Variants in PTPRJ observed in about 807,000 individuals in gnomAD.
The protein encoded by PTPRJ is protein tyrosine phosphatase receptor type J.
PTPRJ carries 129 observed loss-of-function variants against 141.3 expected under a neutral mutation model. The ratio of observed to expected loss-of-function variants is 0.91; its 90% CI spans 0.79 to 1.06. The LOEUF (loss-of-function observed/expected upper bound fraction) is 1.06. Ranked by LOEUF, PTPRJ falls within the 50% of genes least tolerant of loss-of-function variation. PTPRJ has a pLI of 0.00. For synonymous variants in PTPRJ, 610 were observed against 640.5 expected (o/e 0.95, Z 0.72); for missense variants, 1,601 against 1,679.7 (o/e 0.95, Z 0.82).
At chr11:48,147,772 A>G (rs1404810884) in intron 15 of PTPRJ, among the ~76,000 whole-genome samples, 1 of 152,032 alleles carries the variant, frequency 6.6e-6, no homozygotes, top group Non-Finnish European at 1.5e-5. Flanking sequence ...CATGCGGCCC[A>G]GGCCGGTTCC....
At chr11:48,113,405 G>A (rs958584604) in intron 3 of PTPRJ, among the ~76,000 whole-genome samples, 10 of 152,166 alleles carry the variant, frequency 6.6e-5, no homozygotes, top group African/African-American at 2.4e-4. Flanking sequence ...CTAAATCAGG[G>A]TTGGCAGATA....
At chr11:48,003,119 T>A (rs901182745) in intron 1 of PTPRJ, among the ~76,000 whole-genome samples, 1 of 152,226 alleles carries the variant, frequency 6.6e-6, no homozygotes, top group African/African-American at 2.4e-5. Flanking sequence ...GAGAACTTTT[T>A]ATTTTTTCCA....
At chr11:48,081,293 G>T (rs1161033664) in intron 1 of PTPRJ, among the ~76,000 whole-genome samples, 1 of 152,236 alleles carries the variant, frequency 6.6e-6, no homozygotes, top group South Asian at 2.1e-4. Flanking sequence ...TCAGCCCAGG[G>T]AAAATGAACA....
intron 12 of PTPRJ, among the ~76,000 whole-genome samples, 158 bp from the exon 13 acceptor site, chr11:48,144,517 C>A (rs961284775): frequency 5.3e-5 from 8 of 152,118 alleles, no homozygotes; most frequent in African/African-American, 1.9e-4. Flanking sequence ...GTAGGTGAAA[C>A]CCTTAGAATT....
chr11:48,027,162 G>A (rs536564584), intron 1 of PTPRJ, among the ~76,000 whole-genome samples: 9 of 151,416 alleles, frequency 5.9e-5, no homozygotes, highest in Admixed American at 2.0e-4. Context: ...CTGCCACCGC[G>A]CCCAGCTAAT....
At chr11:47,991,818 A>G (rs1317618110) in intron 1 of PTPRJ, among the ~76,000 whole-genome samples, 1 of 152,168 alleles carries the variant, frequency 6.6e-6, no homozygotes, top group African/African-American at 2.4e-5. Flanking sequence ...GATGGGGATA[A>G]CAAGAATACC....
intron 1 of PTPRJ, among the ~76,000 whole-genome samples, chr11:48,069,445 ATTTTTTT>A (rs35405916): frequency 4.1e-5 from 5 of 121,322 alleles, no homozygotes; most frequent in Admixed American, 1.8e-4. Context: ...TACATTGATA[ATTTTTTT>A]TTTTTTTTTT....
chr11:48,038,327 A>G (rs146327171), intron 1 of PTPRJ, among the ~76,000 whole-genome samples: 213 of 152,054 alleles, frequency 1.4e-3, no homozygotes, highest in Middle Eastern at 6.8e-3. Context: ...CCCCTTGGCA[A>G]TTTCTATGCT....
chr11:48,132,377 T>C, intron 8 of PTPRJ: 1 of 977,558 alleles, frequency 1.0e-6, no homozygotes, highest in South Asian at 4.7e-5. Context: ...AAAAAAATTT[T>C]TTTTTATAGA....
At chr11:47,982,294 C>T (rs1258231737) in intron 1 of PTPRJ, among the ~76,000 whole-genome samples, 2 of 152,234 alleles carry the variant, frequency 1.3e-5, no homozygotes, top group Admixed American at 6.5e-5. Context: ...GGCCGGGCCA[C>T]AGGGCTGGAC....
At chr11:48,047,179 G>A (rs1005584534) in intron 1 of PTPRJ, among the ~76,000 whole-genome samples, 1 of 152,048 alleles carries the variant, frequency 6.6e-6, no homozygotes, top group Non-Finnish European at 1.5e-5. Flanking sequence ...GCCTCCCAAA[G>A]CACTGGGATT....
intron 1 of PTPRJ, among the ~76,000 whole-genome samples, chr11:47,985,596 C>T (rs1164918730): frequency 6.6e-6 from 1 of 152,162 alleles, no homozygotes; most frequent in Non-Finnish European, 1.5e-5. Context: ...TCTCCACTGC[C>T]CCAATTTACC....
At chr11:48,163,351 C>T (rs1046039217) in intron 22 of PTPRJ, 107 bp from the exon 23 acceptor site, 18 of 1,038,456 alleles carry the variant, frequency 1.7e-5, no homozygotes, top group Non-Finnish European at 2.4e-5. Flanking sequence ...AATTTTTAGT[C>T]ATTACAACTC....
At chr11:48,036,845 C>T (rs551321991) in intron 1 of PTPRJ, among the ~76,000 whole-genome samples, 3 of 152,316 alleles carry the variant, frequency 2.0e-5, no homozygotes, top group South Asian at 2.1e-4. Context: ...TGCTCCACAC[C>T]GGTGAGCTGC....
intron 1 of PTPRJ, among the ~76,000 whole-genome samples, chr11:48,062,806 AG>A (rs1367206790): frequency 1.3e-5 from 2 of 152,176 alleles, no homozygotes; most frequent in Non-Finnish European, 2.9e-5. Flanking sequence ...GTGCATACTT[AG>A]GTAGAGCTAT....
At chr11:48,029,265 A>T (rs970900590) in intron 1 of PTPRJ, among the ~76,000 whole-genome samples, 10 of 152,308 alleles carry the variant, frequency 6.6e-5, no homozygotes, top group South Asian at 2.1e-4. Flanking sequence ...GTCATTGCAT[A>T]TTGGTTCAAT....
At chr11:48,029,073 G>C (rs945345454) in intron 1 of PTPRJ, among the ~76,000 whole-genome samples, 1 of 152,194 alleles carries the variant, frequency 6.6e-6, no homozygotes, top group Non-Finnish European at 1.5e-5. Context: ...ATTGGCCCTA[G>C]GCCTGCAGTG....
chr11:48,156,541 G>T (rs192952006), intron 21 of PTPRJ, among the ~76,000 whole-genome samples: 1 of 148,102 alleles, frequency 6.8e-6, no homozygotes, highest in African/African-American at 2.5e-5. Flanking sequence ...TCAAATTTAG[G>T]TTGAGCACTG....
intron 1 of PTPRJ, among the ~76,000 whole-genome samples, chr11:48,080,246 T>TTA (rs1855522498): frequency 6.6e-6 from 1 of 152,256 alleles, no homozygotes; most frequent in Non-Finnish European, 1.5e-5. Flanking sequence ...AGGTCTTTTA[T>TTA]TATTACTATG....
Sources: gnomAD v4.1 joint callset for allele counts (sites outside exome capture counted in the v4.1 genomes callset) on GRCh38, gnomAD v4.1.1 for gene constraint, MANE v1.5 for transcripts, NCBI Gene and HGNC (gene_info 2026-07-23, HGNC 2026-07-21) for gene names.